ATL3: variants seen among roughly 807,000 people sequenced by gnomAD.
ATL3 encodes atlastin GTPase 3.
ATL3 carries 49 observed loss-of-function variants against 69.5 expected under a neutral mutation model. The ratio of observed to expected loss-of-function variants is 0.71; its 90% confidence interval spans 0.56 to 0.89. The LOEUF (loss-of-function observed/expected upper bound fraction) is 0.89, where lower values mean the gene tolerates loss of function less well. Ranked by LOEUF, ATL3 falls within the 40% of genes least tolerant of loss-of-function variation. The pLI, the probability that ATL3 is intolerant of heterozygous loss-of-function variation, is 0.00. For missense variants in ATL3, 606 were observed against 645.7 expected (o/e 0.94, Z 0.67); for synonymous variants, 214 against 224.1 (o/e 0.95, Z 0.40).
rs1204852857 is a variant in ATL3, at chr11:63,633,726, AAAAAAAAG to A, written c.1036-637_1036-630del. Among the ~76,000 whole-genome samples the A allele has an allele frequency of 2.2e-3, 279 of 126,478 alleles. 1 individual carries two copies. Among genetic ancestry groups the A allele is most frequent in the African/African-American group, 8.7e-3 (270 of 31,166 alleles). 83.0% of individuals were successfully genotyped at this position (126,478 alleles called of 152,430 possible). Reference sequence around the variant, plus strand: ...AGAAATAGATGTGAGTCAAAAAAAAAAAAAAAAGAAGAAGGAAAGGTTGGGCGTGGTGG... The same window carrying A: ...AGAAATAGATGTGAGTCAAAAAAAAAAAGAAGGAAAGGTTGGGCGTGGTGG... On this transcript the variant is annotated intron_variant, in intron 10 of 12. Transcript: ENST00000398868.
At chr11:63,664,794 T>C (rs1311614250) in intron 1 of ATL3, among the ~76,000 whole-genome samples, 1 of 151,406 alleles carries the variant, frequency 6.6e-6, no homozygotes, top group Non-Finnish European at 1.5e-5. Flanking sequence ...TTTTAGTAGA[T>C]AGAAGGTTTC....
At chr11:63,631,623 G>A (rs1939321793) in intron 11 of ATL3, 152 bp from the exon 12 acceptor site, 3 of 742,496 alleles carry the variant, frequency 4.0e-6, no homozygotes, top group Non-Finnish European at 4.3e-6. Flanking sequence ...GACCAATAAA[G>A]TCTAGTTTCA....
At position 63,648,646 on chromosome 11, in the gene ATL3, TAAA is replaced by T. The variant is rs1939968277; in HGVS notation, c.562-2086_562-2084del. Among the ~76,000 whole-genome samples the T allele has an allele frequency of 4.6e-5, 7 of 152,224 alleles. No homozygotes were observed. The East Asian group carries it at 1.4e-3, about 29-fold the overall frequency. On this transcript the variant is annotated intron_variant, in intron 5 of 12. Coordinates refer to ENST00000398868, the MANE Select transcript of ATL3 (RefSeq NM_015459.5). Reference sequence around the variant, plus strand: ...CAACATGGCGAAACCCTGTCTCTACTAAAAATACAAAAATTAGCTGGGCATGGT... The same window carrying T: ...CAACATGGCGAAACCCTGTCTCTACTAATACAAAAATTAGCTGGGCATGGT...
At chr11:63,636,136 T>G in intron 9 of ATL3, 71 bp downstream of exon 9, 1 of 1,552,340 alleles carries the variant, frequency 6.4e-7, no homozygotes, top group Non-Finnish European at 8.7e-7. Flanking sequence ...ATATTTAAAT[T>G]CAAGTTGATT....
intron 10 of ATL3, among the ~76,000 whole-genome samples, chr11:63,634,851 T>C (rs1939463244): frequency 6.6e-6 from 1 of 151,834 alleles, no homozygotes; most frequent in African/African-American, 2.4e-5. Flanking sequence ...ACCACATCCC[T>C]ATTTTTTTCT....
intron 1 of ATL3, among the ~76,000 whole-genome samples, chr11:63,665,217 T>C (rs1940538514): frequency 6.6e-6 from 1 of 151,948 alleles, no homozygotes; most frequent in Admixed American, 6.6e-5. Flanking sequence ...TGGTGGCACA[T>C]GCCTGTAATC....
chr11:63,633,172 C>G (rs972474039), intron 10 of ATL3, 75 bp from the exon 11 acceptor site: 1 of 1,187,728 alleles, frequency 8.4e-7, no homozygotes, highest in Non-Finnish European at 1.2e-6. Context: ...TAACAAAAAT[C>G]TTCTCTATTC....
Position 63,631,437 on chromosome 11 carries a change from T to C in ATL3, c.1142A>G (p.Asp381Gly). Residue 381 changes from aspartate (D) to glycine (G), a missense_variant, in exon 12 of 13, where the codon GAC becomes GGC. Coordinates refer to ENST00000398868, the MANE Select transcript of ATL3 (RefSeq NM_015459.5). ...TTCACAGTGCTTCTCCTCTAGAATG[T>C]CTGGAGACAAATAAGGTTTCTCTCC... Reference protein sequence around the residue: ...CGGEKPYLSPDILEEKHCEFK... With the variant: ...CGGEKPYLSPGILEEKHCEFK... 1.2e-6 allele frequency: 2 copies of C among 1,612,208 alleles called. No individual in the cohort carries two copies. Among genetic ancestry groups the C allele is most frequent in the Non-Finnish European group, 1.7e-6 (2 of 1,179,014 alleles).
intron 5 of ATL3, among the ~76,000 whole-genome samples, chr11:63,647,173 A>T (rs546120899): frequency 6.6e-6 from 1 of 152,238 alleles, no homozygotes; most frequent in African/African-American, 2.4e-5. Flanking sequence ...TTTGCCAATA[A>T]TATTTCCTAC....
At chr11:63,641,575 G>T (rs1213181595) in intron 8 of ATL3, among the ~76,000 whole-genome samples, 2 of 152,174 alleles carry the variant, frequency 1.3e-5, no homozygotes, top group Admixed American at 6.5e-5. Flanking sequence ...GAATGCCAAG[G>T]ACTGCTGGCA....
At chr11:63,667,015 G>C (rs1018456197) in intron 1 of ATL3, among the ~76,000 whole-genome samples, 3 of 152,212 alleles carry the variant, frequency 2.0e-5, no homozygotes, top group African/African-American at 7.2e-5. Context: ...TAAGTCTTAA[G>C]ATTGCAACGC....
upstream of ATL3, chr11:63,671,667 T>C: frequency 7.3e-7 from 1 of 1,371,256 alleles, no homozygotes; most frequent in Admixed American, 2.3e-5. Context: ...CTACCGTCCT[T>C]TGGGAATTGT....
At chr11:63,671,189 C>A (rs1940761352) in intron 1 of ATL3, 101 bp downstream of exon 1, 8 of 1,449,224 alleles carry the variant, frequency 5.5e-6, no homozygotes, top group Middle Eastern at 2.5e-4. Context: ...AGCCCCGGGA[C>A]GAGGAAGGGC....
chr11:63,641,493 AAGAC>A (rs986350591), intron 8 of ATL3, among the ~76,000 whole-genome samples: 2 of 152,210 alleles, frequency 1.3e-5, no homozygotes, highest in African/African-American at 4.8e-5. Flanking sequence ...TCACAAGAAA[AAGAC>A]AGAACACACA....
At chr11:63,666,547 A>C (rs930078102) in intron 1 of ATL3, among the ~76,000 whole-genome samples, 1 of 151,928 alleles carries the variant, frequency 6.6e-6, no homozygotes, top group Non-Finnish European at 1.5e-5. Context: ...CAGTTTCATC[A>C]CTAAAATGGG....
At chr11:63,666,655 C>A (rs1940582670) in intron 1 of ATL3, among the ~76,000 whole-genome samples, 1 of 148,324 alleles carries the variant, frequency 6.7e-6, no homozygotes, top group African/African-American at 2.5e-5. Context: ...AGTGATCTAT[C>A]CACCTCAGAC....
chr11:63,638,294 TAAACA>T (rs1939584907), intron 8 of ATL3, among the ~76,000 whole-genome samples: 2 of 152,208 alleles, frequency 1.3e-5, no homozygotes, highest in Non-Finnish European at 2.9e-5. Context: ...AATTTCCAAC[TAAACA>T]ACTCAGTAGT....
chr11:63,633,240 GATGAA>G (rs1320944580), intron 10 of ATL3, 143 bp from the exon 11 acceptor site: 2 of 653,984 alleles, frequency 3.1e-6, no homozygotes, highest in East Asian at 5.6e-5. Flanking sequence ...TAGTTCAACT[GATGAA>G]ATAGAATACA....
upstream of ATL3, chr11:63,671,419 C>T (rs375330334): frequency 3.6e-5 from 54 of 1,515,580 alleles, no homozygotes; most frequent in South Asian, 5.2e-4. Flanking sequence ...GCCCTGGAAG[C>T]GGGAAACGGG....
Sources: gnomAD v4.1 joint callset for allele counts (sites outside exome capture counted in the v4.1 genomes callset) on GRCh38, gnomAD v4.1.1 for gene constraint, MANE v1.5 for transcripts, NCBI Gene and HGNC (gene_info 2026-07-23, HGNC 2026-07-21) for gene names.